The following RGPD2 variants were observed in gnomAD, a reference collection of about 807,000 sequenced individuals.
The protein encoded by RGPD2 is RANBP2-like and GRIP domain-containing protein 2.
In RGPD2, 2 loss-of-function variants were observed where a neutral mutation model predicts 36.0. That is an observed-to-expected ratio of 0.06 (90% CI 0.02 to 0.17). RGPD2 has a LOEUF of 0.17. RGPD2 is among the 10% of genes least tolerant of loss of function. RGPD2 has a pLI of 1.00. For missense variants in RGPD2, 40 were observed against 464.3 expected (o/e 0.09, Z 8.40); for synonymous variants, 19 against 163.8 (o/e 0.12, Z 6.75).
chr2:87,844,588 C>T, the RGPD2 span, among the ~76,000 whole-genome samples: 58 of 150,282 alleles, frequency 3.9e-4, no homozygotes, highest in African/African-American at 1.1e-3. Context: ...TTTTATGTTT[C>T]GAAATTAATA....
the RGPD2 span, among the ~76,000 whole-genome samples, chr2:87,932,626 G>A: frequency 6.7e-6 from 1 of 149,676 alleles, no homozygotes; most frequent in Non-Finnish European, 1.5e-5. Flanking sequence ...TTCTTCAGGA[G>A]CTCTTGTAAG....
At chr2:87,973,280 G>A in the RGPD2 span, among the ~76,000 whole-genome samples, 10 of 147,018 alleles carry the variant, frequency 6.8e-5, no homozygotes, top group South Asian at 2.3e-4. Flanking sequence ...CCCTCCTGCC[G>A]CTATCGCCGT....
At chr2:87,986,607 T>G in the RGPD2 span, among the ~76,000 whole-genome samples, 1 of 151,890 alleles carries the variant, frequency 6.6e-6, no homozygotes, top group African/African-American at 2.4e-5. Flanking sequence ...GGGCCAGGCA[T>G]GGTGACTCAC....
the RGPD2 span, among the ~76,000 whole-genome samples, chr2:87,864,617 G>GATAGATAGATAGATAGATAC: frequency 1.2e-4 from 3 of 26,050 alleles, no homozygotes; most frequent in Admixed American, 4.9e-4. Flanking sequence ...TAGATAGATA[G>GATAGATAGATAGATAGATAC]ATAGATACAT....
chr2:87,915,678 C>T, the RGPD2 span, among the ~76,000 whole-genome samples: 4 of 145,876 alleles, frequency 2.7e-5, no homozygotes, highest in Non-Finnish European at 6.0e-5. Flanking sequence ...ATATATCTCC[C>T]TTTTCAACCA....
At chr2:87,876,591 C>A in the RGPD2 span, among the ~76,000 whole-genome samples, 1 of 152,264 alleles carries the variant, frequency 6.6e-6, no homozygotes, top group Non-Finnish European at 1.5e-5. Context: ...TGGTCCAAGT[C>A]TTTTGCATTT....
chr2:87,870,079 A>G, the RGPD2 span, among the ~76,000 whole-genome samples: 3 of 152,270 alleles, frequency 2.0e-5, no homozygotes, highest in Non-Finnish European at 4.4e-5. Context: ...TAAAACATTG[A>G]TTAAAAATGT....
Position 87,756,370 on chromosome 2 carries a change from G to A in RGPD2, c.*1022C>T, listed in dbSNP as rs4347840. The A allele has an allele frequency of 0.22, 29,678 of 134,596 alleles. 121 individuals carry two copies. Among genetic ancestry groups the A allele is most frequent in the East Asian group, 0.37 (1,614 of 4,384 alleles). 8.3% of individuals were successfully genotyped at this position (134,596 alleles called of 1,614,324 possible). A position where few individuals can be genotyped will look rare whatever the true frequency, so the allele number is the denominator to read the frequency against. ...AGTGGGTTGGATCTCTTTCAGCCTC[G>A]GAAAAGCCTGCCATTCCCCCATCTA... On this transcript the variant is annotated 3_prime_UTR_variant, in exon 23 of 23. Coordinates refer to ENST00000398146, the MANE Select transcript of RGPD2 (RefSeq NM_001078170.3).
At chr2:87,974,751 T>C in the RGPD2 span, among the ~76,000 whole-genome samples, 9 of 152,216 alleles carry the variant, frequency 5.9e-5, no homozygotes, top group South Asian at 2.1e-4. Flanking sequence ...TTCTATTCTC[T>C]CATTGTCCAC....
the RGPD2 span, among the ~76,000 whole-genome samples, chr2:87,941,391 C>T: frequency 0.017 from 2,560 of 151,506 alleles, 24 homozygotes; most frequent in Non-Finnish European, 0.027. Context: ...GGTAACATTA[C>T]CATAAACGAA....
the RGPD2 span, among the ~76,000 whole-genome samples, chr2:87,977,621 C>G: frequency 2.0e-5 from 3 of 148,360 alleles, no homozygotes; most frequent in South Asian, 6.4e-4. Flanking sequence ...CGAGACCAGC[C>G]TAGGCATACA....
At chr2:87,915,312 AT>A in the RGPD2 span, among the ~76,000 whole-genome samples, 1,585 of 132,388 alleles carry the variant, frequency 0.012, 85 homozygotes, top group African/African-American at 0.044. Flanking sequence ...TATTGTATAT[AT>A]ATGTATATTA....
chr2:87,957,765 TC>T, the RGPD2 span, among the ~76,000 whole-genome samples: 1 of 152,304 alleles, frequency 6.6e-6, no homozygotes, highest in African/African-American at 2.4e-5. Flanking sequence ...GTGGTTTTCT[TC>T]CCCTTGTGTT....
At chr2:87,976,163 G>A in the RGPD2 span, among the ~76,000 whole-genome samples, 1 of 150,616 alleles carries the variant, frequency 6.6e-6, no homozygotes, top group East Asian at 1.9e-4. Flanking sequence ...GGAATCAGAA[G>A]TAAGTTAATG....
chr2:87,839,321 G>A, the RGPD2 span, among the ~76,000 whole-genome samples: 1 of 152,104 alleles, frequency 6.6e-6, no homozygotes. Context: ...AAACCACAAT[G>A]AGATACCATC....
At chr2:87,780,534 TA>T (rs1236388071) in intron 20 of RGPD2, among the ~76,000 whole-genome samples, 3 of 151,726 alleles carry the variant, frequency 2.0e-5, no homozygotes, top group Non-Finnish European at 2.9e-5. Flanking sequence ...CTGGTATACT[TA>T]AAAAAAAATC....
upstream of RGPD2, among the ~76,000 whole-genome samples, chr2:87,827,227 T>C (rs1226020405): frequency 2.6e-5 from 4 of 152,162 alleles, no homozygotes; most frequent in African/African-American, 9.6e-5. Flanking sequence ...TTAAAGGTAT[T>C]GGATGCCCGT....
At chr2:87,847,386 G>A in the RGPD2 span, among the ~76,000 whole-genome samples, 1 of 152,004 alleles carries the variant, frequency 6.6e-6, no homozygotes, top group Admixed American at 6.6e-5. Context: ...TTCTATTGTA[G>A]GAGAGTTTGG....
chr2:87,884,485 T>C, the RGPD2 span, among the ~76,000 whole-genome samples: 2 of 150,778 alleles, frequency 1.3e-5, no homozygotes, highest in Non-Finnish European at 1.5e-5. Context: ...ATGAAAAAAA[T>C]AGAAATAAAG....
Sources: gnomAD v4.1 joint callset for allele counts (sites outside exome capture counted in the v4.1 genomes callset) on GRCh38, gnomAD v4.1.1 for gene constraint, MANE v1.5 for transcripts, NCBI Gene and HGNC (gene_info 2026-07-23, HGNC 2026-07-21) for gene names.